Variants in NFAT5 observed in about 807,000 individuals in gnomAD.
The protein encoded by NFAT5 is nuclear factor of activated T-cells 5.
Under a neutral mutation model 166.5 loss-of-function variants are expected in NFAT5, and 31 were observed. That is an observed-to-expected ratio of 0.19 (90% CI 0.14 to 0.25). The LOEUF (loss-of-function observed/expected upper bound fraction) is 0.25, where lower values mean the gene tolerates loss of function less well. Among genes scored for constraint, NFAT5 ranks in the 10% least tolerant of loss-of-function variants. The pLI is 1.00. For synonymous variants in NFAT5, 612 were observed against 639.7 expected, an observed-to-expected ratio of 0.96 and a Z score of 0.65; for missense variants, 1,449 against 1,821.8, an observed-to-expected ratio of 0.80 and a Z score of 3.72.
intron 9 of NFAT5, among the ~76,000 whole-genome samples, chr16:69,674,009 G>A (rs1199627197): frequency 1.3e-5 from 2 of 152,006 alleles, no homozygotes; most frequent in African/African-American, 2.4e-5. Flanking sequence ...TTGGGAGGCC[G>A]AGGCAGGTGA....
chr16:69,626,633 G>A (rs1419688444), intron 3 of NFAT5, 105 bp downstream of exon 3: 9 of 1,035,290 alleles, frequency 8.7e-6, no homozygotes, highest in Non-Finnish European at 1.0e-5. Context: ...GTGATTTGAG[G>A]GTTTTAAAAA....
Position 69,694,194 on chromosome 16 carries a change from T to C in NFAT5, c.4369T>C (p.Ser1457Pro), listed in dbSNP as rs1021178399. ...TMNQLQNSPG[S>P]SQQTSGMFLF... ...GAACCAACTGCAGAATTCTCCTGGC[T>C]CATCTCAGCAGACATCAGGAATGTT... Residue 1457 changes from serine (S) to proline (P), a missense_variant, in exon 13 of 15, where the codon TCA becomes CCA. Physicochemically the swap from Ser to Pro is moderately conservative, Grantham distance 74. Around this residue, in one of 7 missense-constraint regions of NFAT5, gnomAD observed 891 missense variants for 993.0 expected, o/e 0.90. Transcript: ENST00000349945. The C allele has an allele frequency of 6.8e-6, 11 of 1,614,086 alleles. No homozygotes were observed. The highest frequency in any genetic ancestry group is 9.3e-6 in the Non-Finnish European group (11 of 1,180,022).
Position 69,688,225 on chromosome 16 carries a change from A to AAC in NFAT5, c.1775-2714_1775-2713dup, listed in dbSNP as rs1567609432. Among the ~76,000 whole-genome samples the AAC allele has an allele frequency of 3.6e-4, 52 of 144,750 alleles. 1 individual carries two copies. Among genetic ancestry groups the AAC allele is most frequent in the Middle Eastern group, 3.4e-3 (1 of 294 alleles). 95.0% of individuals were successfully genotyped at this position (144,750 alleles called of 152,430 possible). On this transcript the variant is annotated intron_variant, in intron 11 of 14. Transcript: ENST00000349945. ...CTCAAAAAAAAAAAAAAAAAAAAAA[A>AAC]ACCAGGAGTTTGAGGCTGCAGGTAC...
At chr16:69,617,495 CTTT>C (rs898627380) in intron 2 of NFAT5, among the ~76,000 whole-genome samples, 1 of 142,150 alleles carries the variant, frequency 7.0e-6, no homozygotes, top group Non-Finnish European at 1.6e-5. Context: ...ATTTTCTTTT[CTTT>C]TTTTTTTTTT....
Position 69,647,558 on chromosome 16 carries a change from A to C in NFAT5, c.784A>C (p.Asn262His). ...TGTGCTTTCTCAGCTTACCACGGAC[A>C]ACAAAGGCAACTCAAAAGCGGGAAA... Reference protein sequence around the residue: ...HYVLSQLTTDNKGNSKAGNGT... With the variant: ...HYVLSQLTTDHKGNSKAGNGT... The change falls in exon 4 of 15, where the codon AAC becomes CAC. Residue 262 changes from asparagine to histidine, a missense_variant. Coordinates refer to ENST00000349945, the MANE Select transcript of NFAT5 (RefSeq NM_138713.4). This position sits in a 1 kb window ranked among gnomAD's most constrained non-coding sequence, Gnocchi z 4.8. 6.3e-7 allele frequency: 1 copy of C among 1,583,654 alleles called. No individual in the cohort carries two copies. The highest frequency in any genetic ancestry group is 8.6e-7 in the Non-Finnish European group (1 of 1,166,322).
At position 69,703,662 on chromosome 16, in the gene NFAT5, G is replaced by A. The variant is rs2037934986; in HGVS notation, c.*7311G>A. On this transcript the variant is annotated 3_prime_UTR_variant, in exon 15 of 15. Coordinates refer to ENST00000349945, the MANE Select transcript of NFAT5 (RefSeq NM_138713.4). ...TTTCCTTAATACTAGCAGTGGAAAT[G>A]TAAGTGGCTTACTCTACAAATTTTG... 6.6e-6 allele frequency: 1 copy of A among 152,612 alleles called. No individual in the cohort carries two copies. The highest frequency in any genetic ancestry group is 2.4e-5 in the African/African-American group (1 of 41,438). 9.5% of individuals were successfully genotyped at this position (152,612 alleles called of 1,614,324 possible). A position where few individuals can be genotyped will look rare whatever the true frequency, so the allele number is the denominator to read the frequency against.
Position 69,566,493 on chromosome 16 carries a change from G to A in NFAT5, c.73+119G>A, listed in dbSNP as rs2016045698. 1.2e-6 allele frequency: 1 copy of A among 853,614 alleles called. No homozygotes were observed. Among genetic ancestry groups the A allele is most frequent in the South Asian group, 1.4e-5 (1 of 69,430 alleles). The allele number at this position is 853,614 out of a possible 1,614,324, so 52.9% of individuals were successfully genotyped here. ...GGGGCGGCTGAGCCGCGACCCCCAT[G>A]GCTTCTTTGGCCGGAGCGGGCAGAG... is the stretch of plus-strand genomic sequence containing the variant. On this transcript the variant is annotated intron_variant, in intron 1 of 14. Transcript: ENST00000349945. This position sits in a 1 kb window ranked among gnomAD's most constrained non-coding sequence, Gnocchi z 5.7.
chr16:69,665,523 C>T (rs1347965265), intron 7 of NFAT5, among the ~76,000 whole-genome samples: 1 of 60,118 alleles, frequency 1.7e-5, no homozygotes, highest in Non-Finnish European at 3.1e-5. Context: ...TATACACCAA[C>T]AACAGACAAA....
chr16:69,701,152 G>C lies in NFAT5; in HGVS notation c.*4801G>C, dbSNP rs1298945889. The C allele has an allele frequency of 1.3e-5, 2 of 152,048 alleles. No homozygotes were observed. Among genetic ancestry groups the C allele is most frequent in the Non-Finnish European group, 2.9e-5 (2 of 68,058 alleles). 9.4% of individuals were successfully genotyped at this position (152,048 alleles called of 1,614,324 possible). On this transcript the variant is annotated 3_prime_UTR_variant, in exon 15 of 15. Coordinates refer to ENST00000349945, the MANE Select transcript of NFAT5 (RefSeq NM_138713.4). ...TTTAGTAGAGATGGGGTTTTGCCAT[G>C]TTGGCCAGGCTGGTTTCGAACTCCT...
intron 7 of NFAT5, among the ~76,000 whole-genome samples, chr16:69,664,156 A>T (rs1339485392): frequency 6.6e-6 from 1 of 152,202 alleles, no homozygotes; most frequent in African/African-American, 2.4e-5. Flanking sequence ...TGTAGGCTTT[A>T]TACTCTAAAA....
Position 69,703,328 on chromosome 16 carries a change from A to G in NFAT5, c.*6977A>G, listed in dbSNP as rs980703606. On this transcript the variant is annotated 3_prime_UTR_variant, in exon 15 of 15. Coordinates refer to ENST00000349945, the MANE Select transcript of NFAT5 (RefSeq NM_138713.4). ...CTAAGCTATCAGTATAGATATAGCT[A>G]TCCTTGGAGCTTATGTTTCAGACAA... is the stretch of plus-strand genomic sequence containing the variant. The G allele has an allele frequency of 6.6e-6, 1 of 152,650 alleles. No individual in the cohort carries two copies. The highest frequency in any genetic ancestry group is 2.4e-5 in the African/African-American group (1 of 41,456). The allele number at this position is 152,650 out of a possible 1,614,324, so 9.5% of individuals were successfully genotyped here.
intron 3 of NFAT5, among the ~76,000 whole-genome samples, chr16:69,645,856 G>T (rs1358193850): frequency 2.0e-5 from 3 of 152,106 alleles, no homozygotes; most frequent in Admixed American, 6.5e-5. Context: ...CAACCTTAGC[G>T]ATCAACGCGC....
At chr16:69,640,239 A>G (rs906948051) in intron 3 of NFAT5, among the ~76,000 whole-genome samples, 5 of 152,184 alleles carry the variant, frequency 3.3e-5, no homozygotes, top group African/African-American at 9.6e-5. Context: ...AACCCATCCA[A>G]TCTCACCCAG....
chr16:69,605,524 G>T (rs1441422696), intron 2 of NFAT5, among the ~76,000 whole-genome samples: 1 of 152,164 alleles, frequency 6.6e-6, no homozygotes, highest in Non-Finnish European at 1.5e-5. Flanking sequence ...ATGGCTTGGC[G>T]CTGGGCAAAT....
At chr16:69,641,661 G>T (rs1052352897) in intron 3 of NFAT5, among the ~76,000 whole-genome samples, 2 of 152,026 alleles carry the variant, frequency 1.3e-5, no homozygotes, top group African/African-American at 4.8e-5. Flanking sequence ...TCTTTTTTAT[G>T]ATATTTTAAG....
chr16:69,604,669 C>G (rs1034198038), intron 2 of NFAT5, among the ~76,000 whole-genome samples: 1 of 152,170 alleles, frequency 6.6e-6, no homozygotes, highest in Non-Finnish European at 1.5e-5. Context: ...ATCTATCTGT[C>G]TGGTTCAAAG....
At chr16:69,651,002 AT>A (rs1413092544) in intron 4 of NFAT5, among the ~76,000 whole-genome samples, 1 of 152,226 alleles carries the variant, frequency 6.6e-6, no homozygotes, top group Non-Finnish European at 1.5e-5. Context: ...CTTCAACTTG[AT>A]ACTTATGTTC....
chr16:69,607,281 A>G (rs915785554), intron 2 of NFAT5, among the ~76,000 whole-genome samples: 1 of 152,234 alleles, frequency 6.6e-6, no homozygotes, highest in African/African-American at 2.4e-5. Context: ...CTTATTTATT[A>G]TAAACAATAT....
intron 2 of NFAT5, among the ~76,000 whole-genome samples, chr16:69,575,373 G>A (rs552579393): frequency 5.5e-4 from 83 of 152,196 alleles, no homozygotes; most frequent in African/African-American, 1.9e-3. Context: ...TCACCTTATT[G>A]GTCAGGCTGG....
Sources: allele counts gnomAD v4.1 joint callset (sites outside exome capture counted in the v4.1 genomes callset), GRCh38; gene constraint gnomAD v4.1.1; regional missense constraint gnomAD v4.1.1; non-coding constraint Gnocchi (gnomAD v3.1); transcripts MANE v1.5; gene names NCBI Gene and HGNC (gene_info 2026-07-23, HGNC 2026-07-21).